NFKBIA: variants seen among roughly 807,000 people sequenced by gnomAD.
NFKBIA encodes the protein NF-kappa-B inhibitor alpha.
A neutral mutation model predicts 36.3 loss-of-function variants in NFKBIA; 10 were observed. That is an observed-to-expected ratio of 0.28 (90% CI 0.17 to 0.47). NFKBIA has a LOEUF of 0.47. NFKBIA is among the 20% of genes least tolerant of loss of function. The pLI is 0.99. For missense variants in NFKBIA, 355 were observed against 399.3 expected, an observed-to-expected ratio of 0.89 and a Z score of 0.94; for synonymous variants, 205 against 164.4, an observed-to-expected ratio of 1.25 and a Z score of -1.89.
chr14:35,404,013 C>A, intron 1 of NFKBIA: 2 of 580,470 alleles, frequency 3.4e-6, no homozygotes, highest in Non-Finnish European at 6.2e-6. Context: ...CCGGCCAGAC[C>A]GCCCCGCCCT....
rs780981328 is a variant in NFKBIA at position 35,402,744 on chromosome 14, AG to A, written c.636+26del. 5 of 1,613,874 alleles carry A rather than the reference AG, an allele frequency of 3.1e-6. No individual in the cohort carries two copies. In the South Asian group the frequency reaches 4.4e-5, roughly 14 times the overall value. ...AACATAAGCACGAGGAGCCTGACTC[AG>A]TGCGTCGGGGGCAGGAAGCACCAAC... is the stretch of plus-strand genomic sequence containing the variant. On this transcript the variant is annotated intron_variant, in intron 4 of 5. Transcript: ENST00000216797.
rs770202858 is a variant in NFKBIA at position 35,402,529 on chromosome 14, G to C, written c.771C>G (p.Thr257=). Residue 257 remains threonine (T), a synonymous_variant, in exon 5 of 6, where the codon ACC becomes ACG. Coordinates refer to ENST00000216797, the MANE Select transcript of NFKBIA (RefSeq NM_020529.3). Reference sequence around the variant, plus strand: ...GTATCCGGGTGCTTGGGCGGCCCCAGGTGAGCTGGTAGGGAGAATAGCCCT... The same window carrying C: ...GTATCCGGGTGCTTGGGCGGCCCCACGTGAGCTGGTAGGGAGAATAGCCCT... The part of the protein sequence containing the change: ...TYQGYSPYQL[T]WGRPSTRIQQ... 1 of 1,614,208 alleles carries C rather than the reference G, an allele frequency of 6.2e-7. No homozygotes were observed. Among genetic ancestry groups the C allele is most frequent in the South Asian group, 1.1e-5 (1 of 91,084 alleles).
At chr14:35,403,082 C>CCCACCTGCCCCTTCTCCACG in intron 3 of NFKBIA, 68 bp downstream of exon 3, 1 of 1,556,190 alleles carries the variant, frequency 6.4e-7, no homozygotes, top group South Asian at 1.1e-5. Flanking sequence ...CTTAAGTTGG[C>CCCACCTGCCCCTTCTCCACG]CCACCTGCCC....
chr14:35,402,146 TA>T, intron 5 of NFKBIA, 86 bp from the exon 6 acceptor site: 2 of 1,514,470 alleles, frequency 1.3e-6, no homozygotes, highest in East Asian at 4.5e-5. Context: ...CTACTGGAAA[TA>T]ACTCTTGGAC....
chr14:35,403,851 C>T, intron 1 of NFKBIA, 53 bp from the exon 2 acceptor site: 1 of 1,343,632 alleles, frequency 7.4e-7, no homozygotes, highest in Non-Finnish European at 1.1e-6. Context: ...CCGCGTGGGG[C>T]CCAGGGAGGC....
Position 35,402,462 on chromosome 14 carries a change from G to T in NFKBIA, c.838C>A (p.Leu280Met). 6.2e-7 allele frequency: 1 copy of T among 1,614,170 alleles called. No homozygotes were observed. Among genetic ancestry groups the T allele is most frequent in the Non-Finnish European group, 8.5e-7 (1 of 1,180,032 alleles). The change falls in exon 5 of 6, where the codon CTG becomes ATG. Residue 280 changes from leucine to methionine, a missense_variant. Leu to Met is a conservative substitution (Grantham distance 15). Coordinates refer to ENST00000216797, the MANE Select transcript of NFKBIA (RefSeq NM_020529.3). Reference sequence around the variant, plus strand: ...CTCTCCTCATCCTCACTCTCTGGCAGCATCTGAAGGTTTTCTAGTGTCAGC... The same window carrying T: ...CTCTCCTCATCCTCACTCTCTGGCATCATCTGAAGGTTTTCTAGTGTCAGC... ...GQLTLENLQM[L>M]PESEDEESYD... is the part of the protein sequence containing the mutation.
rs146131585 is a variant in NFKBIA, at chr14:35,404,163, T to TG, written c.227+254dup. 0.29 allele frequency: 93,713 copies of TG among 328,666 alleles called. 14,831 individuals carry two copies. Among genetic ancestry groups the TG allele is most frequent in the Non-Finnish European group, 0.3 (54,257 of 179,758 alleles). The allele number at this position is 328,666 out of a possible 1,614,324, so 20.4% of individuals were successfully genotyped here. On this transcript the variant is annotated intron_variant, in intron 1 of 5. Transcript: ENST00000216797. ...CCGCCCCCGGCCTAGAGGACGGGTC[T>TG]GGGGGGAGGGGGCGTGTGGCGACGC...
At position 35,403,755 on chromosome 14, in the gene NFKBIA, T is replaced by A; in HGVS notation, c.271A>T (p.Met91Leu). The A allele has an allele frequency of 6.2e-7, 1 of 1,614,024 alleles. No homozygotes were observed. Among genetic ancestry groups the A allele is most frequent in the Non-Finnish European group, 8.5e-7 (1 of 1,179,958 alleles). The part of the protein sequence containing the change: ...AIIHEEKALT[M>L]EVIRQVKGDL... ...CCCTTCACCTGGCGGATCACTTCCA[T>A]GGTCAGTGCCTTTTCTTCATGGATG... Residue 91 changes from methionine to leucine, a missense_variant, in exon 2 of 6, where the codon ATG (methionine) becomes TTG (leucine). Physicochemically the swap from Met to Leu is conservative, Grantham distance 15. Coordinates refer to ENST00000216797, the MANE Select transcript of NFKBIA (RefSeq NM_020529.3).
At chr14:35,403,056 G>A (rs1182995703) in intron 3 of NFKBIA, 94 bp downstream of exon 3, 14 of 1,429,038 alleles carry the variant, frequency 9.8e-6, no homozygotes, top group Non-Finnish European at 1.4e-5. Context: ...AGGAGTTTAA[G>A]CTCTTGCCTG....
At chr14:35,402,204 G>T in intron 5 of NFKBIA, 144 bp from the exon 6 acceptor site, 1 of 611,222 alleles carries the variant, frequency 1.6e-6, no homozygotes, top group Non-Finnish European at 2.7e-6. Context: ...GGCTGAGAGA[G>T]TTTGCCTTTA....
chr14:35,402,202 G>A, intron 5 of NFKBIA, 142 bp from the exon 6 acceptor site: 1 of 680,194 alleles, frequency 1.5e-6, no homozygotes, highest in Non-Finnish European at 2.4e-6. Flanking sequence ...CAGGCTGAGA[G>A]AGTTTGCCTT....
intron 3 of NFKBIA, 25 bp downstream of exon 3, chr14:35,403,125 G>A (rs776888297): frequency 3.1e-6 from 5 of 1,604,094 alleles, no homozygotes; most frequent in East Asian, 4.5e-5. Flanking sequence ...CGAGGGGGTG[G>A]GGCAGGGCAG....
At chr14:35,403,992 C>G in intron 1 of NFKBIA, 194 bp from the exon 2 acceptor site, 1 of 606,242 alleles carries the variant, frequency 1.6e-6, no homozygotes, top group Non-Finnish European at 3.0e-6. Flanking sequence ...CCCCCGCGGC[C>G]CCGGCGGGCG....
rs2052757016 is a variant in NFKBIA at position 35,403,861 on chromosome 14, C to T, written c.228-63G>A. On this transcript the variant is annotated intron_variant, in intron 1 of 5. Transcript: ENST00000216797. ...GTGCACCGCGTGGGGCCCAGGGAGGCGCGGGCTGCGGGGGATTGCGCAAGG... is the reference window on the plus strand; with the variant it reads ...GTGCACCGCGTGGGGCCCAGGGAGGTGCGGGCTGCGGGGGATTGCGCAAGG... 5 of 1,258,752 alleles carry T rather than the reference C, an allele frequency of 4.0e-6. No homozygotes were observed. The African/African-American group carries it at 5.9e-5, about 15-fold the overall frequency. The allele number at this position is 1,258,752 out of a possible 1,614,324, so 78.0% of individuals were successfully genotyped here.
At chr14:35,404,373 T>TGCCCCCC in intron 1 of NFKBIA, 45 bp downstream of exon 1, 2 of 803,534 alleles carry the variant, frequency 2.5e-6, no homozygotes, top group South Asian at 1.6e-5. Flanking sequence ...GCCGCGCGCG[T>TGCCCCCC]CCCGCCCTCC....
intron 5 of NFKBIA, 90 bp from the exon 6 acceptor site, chr14:35,402,150 T>C (rs1002799784): frequency 7.4e-6 from 11 of 1,487,096 alleles, no homozygotes; most frequent in East Asian, 2.3e-5. Context: ...TGGAAATAAC[T>C]CTTGGACTCC....
intron 1 of NFKBIA, 23 bp from the exon 2 acceptor site, chr14:35,403,821 C>T (rs760685526): frequency 1.3e-6 from 2 of 1,576,550 alleles, no homozygotes; most frequent in East Asian, 2.2e-5. Context: ...GAGGGAAAAA[C>T]CCCAGGGGTG....
chr14:35,402,235 A>AGTAAGCTATTAAAAAAGG (rs70937092), intron 5 of NFKBIA, among the ~76,000 whole-genome samples, 159 bp downstream of exon 5: 10 of 148,944 alleles, frequency 6.7e-5, no homozygotes, highest in South Asian at 6.3e-4. Context: ...TTAAAAAAAG[A>AGTAAGCTATTAAAAAAGG]GGGGGGGCAG....
In NFKBIA at chr14:35,403,166, C is replaced by T. The variant is rs747880612; in HGVS notation, c.531G>A (p.Lys177=). The change falls in exon 3 of 6, where the codon AAG becomes AAA. Residue 177 remains lysine (K), a synonymous_variant. Coordinates refer to ENST00000216797, the MANE Select transcript of NFKBIA (RefSeq NM_020529.3). The stretch of plus-strand genomic sequence containing the variant: ...CAGACATACCATTGTAGTTGGTAGC[C>T]TTCAGGATGGAGTGGAGGTGCGGGG... The part of the protein sequence containing the change: ...CTTPHLHSIL[K]ATNYNGHTCL... The T allele has an allele frequency of 2.5e-6, 4 of 1,611,850 alleles. No homozygotes were observed. Among genetic ancestry groups the T allele is most frequent in the Non-Finnish European group, 3.4e-6 (4 of 1,179,708 alleles).
Sources: allele counts gnomAD v4.1 joint callset (sites outside exome capture counted in the v4.1 genomes callset), GRCh38; gene constraint gnomAD v4.1.1; transcripts MANE v1.5; gene names NCBI Gene and HGNC (gene_info 2026-07-23, HGNC 2026-07-21).